Variants in ABL2 observed in about 807,000 individuals in gnomAD.
ABL2 encodes ABL proto-oncogene 2, non-receptor tyrosine kinase, also known as tyrosine-protein kinase ABL2.
In ABL2, 49 loss-of-function variants were observed where a neutral mutation model predicts 107.7. The ratio of observed to expected loss-of-function variants is 0.45; its 90% CI spans 0.36 to 0.58. ABL2 has a LOEUF of 0.58. Among genes scored for constraint, ABL2 ranks in the 20% least tolerant of loss-of-function variants. The probability of loss-of-function intolerance (pLI) is 0.00; values close to 1 mark genes in which losing one functional copy is unlikely to be tolerated. For synonymous variants in ABL2, 549 were observed against 548.6 expected, an observed-to-expected ratio of 1.00 and a Z score of -0.01; for missense variants, 1,245 against 1,457.0, an observed-to-expected ratio of 0.85 and a Z score of 2.37.
At chr1:179,195,093 G>C (rs950009151) in intron 1 of ABL2, among the ~76,000 whole-genome samples, 1 of 152,092 alleles carries the variant, frequency 6.6e-6, no homozygotes, top group African/African-American at 2.4e-5. Context: ...TTCCAGACCA[G>C]CCTGGCCAAC....
At chr1:179,212,416 A>C (rs967551567) in intron 1 of ABL2, among the ~76,000 whole-genome samples, 1 of 152,192 alleles carries the variant, frequency 6.6e-6, no homozygotes, top group African/African-American at 2.4e-5. Context: ...TACCATCTAA[A>C]GCAGCAATGT....
At chr1:179,127,787 T>G (rs1655874628) in intron 3 of ABL2, among the ~76,000 whole-genome samples, 1 of 151,880 alleles carries the variant, frequency 6.6e-6, no homozygotes, top group South Asian at 2.1e-4. Context: ...ATCCCAGCAC[T>G]TTGGGAGGCT....
chr1:179,121,914 AATTTTT>A, intron 4 of ABL2, 47 bp from the exon 5 acceptor site: 13 of 953,290 alleles, frequency 1.4e-5, no homozygotes, highest in Middle Eastern at 3.5e-4. Context: ...AGAGATTAAG[AATTTTT>A]TTTTTTTTTT....
intron 1 of ABL2, among the ~76,000 whole-genome samples, chr1:179,200,364 T>G (rs534153450): frequency 4.1e-4 from 63 of 152,286 alleles, no homozygotes; most frequent in African/African-American, 1.4e-3. Context: ...CTTTCTTGAG[T>G]TACATTTATG....
intron 5 of ABL2, 87 bp downstream of exon 5, chr1:179,121,508 A>G: frequency 6.6e-7 from 1 of 1,523,982 alleles, no homozygotes; most frequent in Non-Finnish European, 8.9e-7. Flanking sequence ...AAAGTGTTCC[A>G]AAGTTAAAGA....
intron 1 of ABL2, among the ~76,000 whole-genome samples, chr1:179,151,340 C>T (rs1658352391): frequency 6.6e-6 from 1 of 152,186 alleles, no homozygotes; most frequent in African/African-American, 2.4e-5. Context: ...CCTAGATTCT[C>T]CTTGAACCTG....
At chr1:179,158,085 G>C (rs976538092) in intron 1 of ABL2, among the ~76,000 whole-genome samples, 2 of 152,184 alleles carry the variant, frequency 1.3e-5, no homozygotes, top group African/African-American at 2.4e-5. Flanking sequence ...GACCATAGGA[G>C]AGTCAAGGAA....
intron 1 of ABL2, among the ~76,000 whole-genome samples, chr1:179,177,589 A>C (rs961330146): frequency 1.3e-5 from 2 of 152,166 alleles, no homozygotes; most frequent in African/African-American, 4.8e-5. Context: ...GATAACAATT[A>C]ATTCATTTAA....
At position 179,126,780 on chromosome 1, in the gene ABL2, G is replaced by A; in HGVS notation, c.392-108C>T. The A allele has an allele frequency of 4.4e-6, 5 of 1,146,190 alleles. No homozygotes were observed. Among genetic ancestry groups the A allele is most frequent in the African/African-American group, 1.6e-5 (1 of 63,836 alleles). The allele number at this position is 1,146,190 out of a possible 1,614,324, so 71.0% of individuals were successfully genotyped here. A position where few individuals can be genotyped will look rare whatever the true frequency, so the allele number is the denominator to read the frequency against. On this transcript the variant is annotated intron_variant, in intron 3 of 11. Coordinates refer to ENST00000502732, the MANE Select transcript of ABL2 (RefSeq NM_007314.4). This position sits in a 1 kb window ranked among gnomAD's most constrained non-coding sequence, Gnocchi z 4.4. ...CTCATTAAAAAAAAAAAAGAATCTA[G>A]AACTTTTATGCCAAATTTTTTTTTT...
At chr1:179,125,303 G>A (rs147384779) in intron 4 of ABL2, among the ~76,000 whole-genome samples, 3 of 152,298 alleles carry the variant, frequency 2.0e-5, no homozygotes, top group South Asian at 2.1e-4. Flanking sequence ...TACTGTGTTC[G>A]CTTCTGTTGT....
chr1:179,132,162 T>C (rs1459115665), intron 2 of ABL2, among the ~76,000 whole-genome samples: 3 of 152,258 alleles, frequency 2.0e-5, no homozygotes, highest in Non-Finnish European at 2.9e-5. Flanking sequence ...CTATTTTGTT[T>C]TCCTGAGCAG....
intron 1 of ABL2, among the ~76,000 whole-genome samples, chr1:179,211,245 T>C (rs1662255560): frequency 6.6e-6 from 1 of 152,184 alleles, no homozygotes; most frequent in Non-Finnish European, 1.5e-5. Flanking sequence ...AGGCTGGACC[T>C]GCTGGCTCAC....
At chr1:179,124,816 T>C (rs1655587538) in intron 4 of ABL2, among the ~76,000 whole-genome samples, 3 of 152,168 alleles carry the variant, frequency 2.0e-5, no homozygotes, top group Non-Finnish European at 2.9e-5. Context: ...TTGTTTTATG[T>C]CTGCTTTTTT....
At chr1:179,226,828 G>A (rs1663243784) in intron 1 of ABL2, among the ~76,000 whole-genome samples, 1 of 152,106 alleles carries the variant, frequency 6.6e-6, no homozygotes, top group Admixed American at 6.5e-5. Context: ...GGAAAAATGG[G>A]TCCAGAGTTC....
rs139733201 is a variant in ABL2 at position 179,170,393 on chromosome 1, T to C, written c.158-37019A>G. Among the ~76,000 whole-genome samples, 77 of 152,288 alleles carry C rather than the reference T, an allele frequency of 5.1e-4. 1 individual carries two copies. Among genetic ancestry groups the C allele is most frequent in the Non-Finnish European group, 1.0e-3 (70 of 68,022 alleles). Reference sequence around the variant, plus strand: ...ACCTGGTAACAAAGGAAGATTATTTTAGTCATTGTGACCAAACATTAAAGA... The same window carrying C: ...ACCTGGTAACAAAGGAAGATTATTTCAGTCATTGTGACCAAACATTAAAGA... On this transcript the variant is annotated intron_variant, in intron 1 of 11. Coordinates refer to ENST00000502732, the MANE Select transcript of ABL2 (RefSeq NM_007314.4).
At chr1:179,218,640 C>T (rs1662711811) in intron 1 of ABL2, among the ~76,000 whole-genome samples, 1 of 152,182 alleles carries the variant, frequency 6.6e-6, no homozygotes, top group Non-Finnish European at 1.5e-5. Flanking sequence ...CCTTGTGATC[C>T]ACCTGCCTTG....
rs762124767 is a variant in ABL2 at position 179,107,993 on chromosome 1, A to G, written c.3274T>C (p.Cys1092Arg). ...DKISKEALLECADLLSSALTE... is the reference protein window; with the variant it reads ...DKISKEALLERADLLSSALTE... ...AGTGCACTGGACAGTAGGTCAGCACATTCCAGCAGGGCCTCTTTGCTGATT... is the reference window on the plus strand; with the variant it reads ...AGTGCACTGGACAGTAGGTCAGCACGTTCCAGCAGGGCCTCTTTGCTGATT... The change falls in exon 12 of 12, where the codon TGT (cysteine) becomes CGT (arginine). Residue 1092 changes from cysteine (C) to arginine (R), a missense_variant. This residue lies in a region of ABL2 where 761 missense variants were observed against 766.4 expected (regional missense o/e 0.99). Coordinates refer to ENST00000502732, the MANE Select transcript of ABL2 (RefSeq NM_007314.4). 6.2e-7 allele frequency: 1 copy of G among 1,614,242 alleles called. No individual in the cohort carries two copies. Among genetic ancestry groups the G allele is most frequent in the South Asian group, 1.1e-5 (1 of 91,082 alleles).
At chr1:179,161,356 GAAA>G (rs58594632) in intron 1 of ABL2, among the ~76,000 whole-genome samples, 1 of 123,360 alleles carries the variant, frequency 8.1e-6, no homozygotes, top group Non-Finnish European at 1.7e-5. Context: ...TACCTCAAAA[GAAA>G]AAAAAAAAAA....
intron 1 of ABL2, among the ~76,000 whole-genome samples, chr1:179,196,309 T>C (rs980940094): frequency 5.9e-5 from 9 of 152,364 alleles, no homozygotes; most frequent in Middle Eastern, 3.4e-3. Context: ...AATTACCTTA[T>C]TGAAATTTGT....
Sources: allele counts gnomAD v4.1 joint callset (sites outside exome capture counted in the v4.1 genomes callset), GRCh38; gene constraint gnomAD v4.1.1; regional missense constraint gnomAD v4.1.1; non-coding constraint Gnocchi (gnomAD v3.1); transcripts MANE v1.5; gene names NCBI Gene and HGNC (gene_info 2026-07-23, HGNC 2026-07-21).